Variants in CSMD3 observed in about 807,000 individuals in gnomAD.
CSMD3 encodes the protein CUB and Sushi multiple domains 3.
Under a neutral mutation model 435.2 loss-of-function variants are expected in CSMD3, and 177 were observed. The ratio of observed to expected loss-of-function variants is 0.41; its 90% CI spans 0.36 to 0.46. The LOEUF is 0.46. Ranked by LOEUF, CSMD3 falls within the 20% of genes least tolerant of loss-of-function variation. The probability of loss-of-function intolerance (pLI) is 0.34; values close to 1 mark genes in which losing one functional copy is unlikely to be tolerated. For missense variants in CSMD3, 4,265 were observed against 4,504.6 expected (o/e 0.95, Z 1.52); for synonymous variants, 1,656 against 1,520.5 (o/e 1.09, Z -2.07).
chr8:112,888,626 T>C (rs1388493109), intron 10 of CSMD3, among the ~76,000 whole-genome samples: 1 of 151,666 alleles, frequency 6.6e-6, no homozygotes, highest in Non-Finnish European at 1.5e-5. Context: ...AAAATTCCTC[T>C]CAGAAAAACA....
At chr8:112,319,790 A>G in intron 46 of CSMD3, 111 bp downstream of exon 46, 2 of 796,212 alleles carry the variant, frequency 2.5e-6, no homozygotes, top group Non-Finnish European at 4.5e-6. Context: ...CTATCAACAC[A>G]GGGAATGAGG....
intron 13 of CSMD3, among the ~76,000 whole-genome samples, chr8:112,696,611 A>G (rs746012552): frequency 3.3e-5 from 5 of 152,114 alleles, no homozygotes; most frequent in Non-Finnish European, 5.9e-5. Flanking sequence ...AGACCTAAAA[A>G]CATAAAAACC....
chr8:112,340,929 C>G (rs1170717790), intron 42 of CSMD3, among the ~76,000 whole-genome samples: 1 of 151,980 alleles, frequency 6.6e-6, no homozygotes, highest in East Asian at 1.9e-4. Context: ...ACGCCCAAAC[C>G]CTTTACTCAA....
At position 113,411,004 on chromosome 8, in the gene CSMD3, GA is replaced by G. The variant is rs1188796101; in HGVS notation, c.178+25672del. Reference sequence around the variant, plus strand: ...GAAGGAAGGAAAAGAAAGAAAGAAAGAAAAGAAAGAAAAATAAAGAAAGAAA... The same window carrying G: ...GAAGGAAGGAAAAGAAAGAAAGAAAGAAAGAAAGAAAAATAAAGAAAGAAA... On this transcript the variant is annotated intron_variant, in intron 1 of 70. Transcript: ENST00000297405. Among the ~76,000 whole-genome samples, 29 of 147,954 alleles carry G rather than the reference GA, an allele frequency of 2.0e-4. 1 individual carries two copies. Among genetic ancestry groups the G allele is most frequent in the Admixed American group, 2.7e-4 (4 of 14,696 alleles).
chr8:113,139,195 T>C (rs1383878473), intron 4 of CSMD3, among the ~76,000 whole-genome samples: 1 of 150,906 alleles, frequency 6.6e-6, no homozygotes, highest in African/African-American at 2.4e-5. Context: ...GGCTAAGGTC[T>C]CTAAATAGCA....
intron 4 of CSMD3, among the ~76,000 whole-genome samples, chr8:113,115,819 T>A (rs1051385752): frequency 6.6e-5 from 10 of 152,208 alleles, no homozygotes; most frequent in Non-Finnish European, 1.5e-4. Flanking sequence ...TATGTTTAAA[T>A]CTTATCTTCT....
intron 1 of CSMD3, among the ~76,000 whole-genome samples, chr8:113,371,117 T>C (rs1042231231): frequency 5.3e-5 from 8 of 152,122 alleles, no homozygotes; most frequent in Non-Finnish European, 1.2e-4. Context: ...ACAAAATGTA[T>C]GTTATTTCAC....
At chr8:113,388,415 C>G (rs923173584) in intron 1 of CSMD3, among the ~76,000 whole-genome samples, 4 of 151,372 alleles carry the variant, frequency 2.6e-5, no homozygotes, top group Admixed American at 6.6e-5. Flanking sequence ...AAATTTAAAA[C>G]AGAAGATAAT....
intron 10 of CSMD3, among the ~76,000 whole-genome samples, chr8:112,890,609 C>T (rs2081756596): frequency 6.6e-6 from 1 of 151,686 alleles, no homozygotes; most frequent in Non-Finnish European, 1.5e-5. Context: ...GCTTTTAAAA[C>T]TCCATGCCCT....
chr8:113,262,062 T>G (rs1588396497), intron 3 of CSMD3, among the ~76,000 whole-genome samples: 1 of 152,114 alleles, frequency 6.6e-6, no homozygotes, highest in East Asian at 1.9e-4. Context: ...GTGATTCTTC[T>G]ATTACCATAT....
chr8:113,145,698 T>C (rs1246124202), intron 4 of CSMD3, among the ~76,000 whole-genome samples: 1 of 151,666 alleles, frequency 6.6e-6, no homozygotes, highest in East Asian at 1.9e-4. Context: ...TTACCTGGTT[T>C]ATTAATTTCT....
At chr8:112,477,559 G>T (rs997418958) in intron 31 of CSMD3, among the ~76,000 whole-genome samples, 3 of 152,094 alleles carry the variant, frequency 2.0e-5, no homozygotes, top group Non-Finnish European at 4.4e-5. Flanking sequence ...CCTAGCAATA[G>T]TGAGTGTGTT....
At chr8:112,329,074 G>T (rs1266470768) in intron 45 of CSMD3, among the ~76,000 whole-genome samples, 1 of 152,124 alleles carries the variant, frequency 6.6e-6, no homozygotes, top group African/African-American at 2.4e-5. Context: ...TCTGTTGCAT[G>T]AATTGTCTTC....
intron 10 of CSMD3, among the ~76,000 whole-genome samples, chr8:112,879,538 C>T (rs1393091439): frequency 2.0e-5 from 3 of 152,052 alleles, no homozygotes; most frequent in African/African-American, 4.8e-5. Flanking sequence ...CTCTGTGACC[C>T]ACACCCTATT....
chr8:112,984,452 C>G (rs1017142790), intron 6 of CSMD3, among the ~76,000 whole-genome samples: 1 of 151,990 alleles, frequency 6.6e-6, no homozygotes, highest in Non-Finnish European at 1.5e-5. Flanking sequence ...ACTATCTGAT[C>G]AATAAAATCT....
At chr8:112,676,418 T>C (rs2075771218) in intron 16 of CSMD3, among the ~76,000 whole-genome samples, 1 of 152,102 alleles carries the variant, frequency 6.6e-6, no homozygotes, top group South Asian at 2.1e-4. Flanking sequence ...GCATATTTAA[T>C]AAAATAAAAT....
intron 18 of CSMD3, among the ~76,000 whole-genome samples, chr8:112,653,109 C>A (rs2075169430): frequency 6.6e-6 from 1 of 152,122 alleles, no homozygotes; most frequent in Non-Finnish European, 1.5e-5. Flanking sequence ...AGTCATCGTG[C>A]CCAGCTAGTT....
chr8:112,336,801 C>A lies in CSMD3; in HGVS notation c.6870G>T (p.Met2290Ile), dbSNP rs1322971855. ...EALCGGNITA[M>I]NGTIYSPGYP... ...ACCCAGGAGAATAAATGGTGCCATTCATTGCAGTTATATTCCCACCACAAA... is the reference window on the plus strand; with the variant it reads ...ACCCAGGAGAATAAATGGTGCCATTAATTGCAGTTATATTCCCACCACAAA... Residue 2290 changes from methionine (M) to isoleucine (I), a missense_variant, in exon 44 of 71, where the codon ATG becomes ATT. Transcript: ENST00000297405. The A allele has an allele frequency of 2.5e-6, 4 of 1,613,088 alleles. No homozygotes were observed. In the East Asian group the frequency reaches 8.9e-5, roughly 36 times the overall value.
chr8:112,317,456 T>C (rs1242414074), intron 47 of CSMD3, among the ~76,000 whole-genome samples: 1 of 151,960 alleles, frequency 6.6e-6, no homozygotes, highest in Non-Finnish European at 1.5e-5. Flanking sequence ...TCTGCTCAAC[T>C]TTTTTTCCCA....
Sources: gnomAD v4.1 joint callset for allele counts (sites outside exome capture counted in the v4.1 genomes callset) on GRCh38, gnomAD v4.1.1 for gene constraint, MANE v1.5 for transcripts, NCBI Gene and HGNC (gene_info 2026-07-23, HGNC 2026-07-21) for gene names.